SV2C: variants seen among roughly 807,000 people sequenced by gnomAD.
SV2C encodes synaptic vesicle glycoprotein 2C.
A neutral mutation model predicts 79.7 loss-of-function variants in SV2C; 49 were observed. The ratio of observed to expected loss-of-function variants is 0.61; its 90% CI spans 0.49 to 0.78. The LOEUF is 0.78. Among genes scored for constraint, SV2C ranks in the 30% least tolerant of loss-of-function variants. The pLI is 0.00. For missense variants in SV2C, 833 were observed against 912.9 expected (o/e 0.91, Z 1.13); for synonymous variants, 334 against 333.2 (o/e 1.00, Z -0.03).
chr5:75,882,852 A>G, the SV2C span, among the ~76,000 whole-genome samples: 1 of 152,216 alleles, frequency 6.6e-6, no homozygotes, highest in South Asian at 2.1e-4. Flanking sequence ...GATCTAATTA[A>G]ACTAAAGAGC....
intron 1 of SV2C, among the ~76,000 whole-genome samples, chr5:76,113,359 A>G (rs940546524): frequency 6.6e-6 from 1 of 152,262 alleles, no homozygotes; most frequent in South Asian, 2.1e-4. Flanking sequence ...TCTTGTATGC[A>G]TAGCATCTAA....
the SV2C span, among the ~76,000 whole-genome samples, chr5:75,897,389 G>A: frequency 0.014 from 2,090 of 150,646 alleles, 42 homozygotes; most frequent in African/African-American, 0.047. Context: ...GATATGCGGC[G>A]TTATTTCTGA....
At chr5:76,076,611 T>C in the SV2C span, among the ~76,000 whole-genome samples, 19 of 152,230 alleles carry the variant, frequency 1.2e-4, no homozygotes, top group Non-Finnish European at 2.2e-4. Context: ...TTGCATTTCT[T>C]TCTATCAGGG....
In SV2C at chr5:76,120,883, A is replaced by C. The variant is rs1208497082; in HGVS notation, c.-101-10767A>C. Reference sequence around the variant, plus strand: ...TTTATAGTCCTTTGGGTATATACCCAGTAATGGGATGGCTGGGTCAAATGG... The same window carrying C: ...TTTATAGTCCTTTGGGTATATACCCCGTAATGGGATGGCTGGGTCAAATGG... On this transcript the variant is annotated intron_variant, in intron 1 of 12. Transcript: ENST00000502798. Among the ~76,000 whole-genome samples, 4 of 151,282 alleles carry C rather than the reference A, an allele frequency of 2.6e-5. No individual in the cohort carries two copies. In the South Asian group the frequency reaches 6.2e-4, roughly 24 times the overall value.
In SV2C at chr5:76,301,560, G is replaced by A; in HGVS notation, c.2000+15G>A. On this transcript the variant is annotated intron_variant, in intron 12 of 12. Coordinates refer to ENST00000502798, the MANE Select transcript of SV2C (RefSeq NM_014979.4). ...ACAGACCGGAGGTATGTTGAAATGG[G>A]CCTCTAGTAAGAGGCACTCTAAGCC... 2 of 1,609,074 alleles carry A rather than the reference G, an allele frequency of 1.2e-6. No individual in the cohort carries two copies. Among genetic ancestry groups the A allele is most frequent in the Non-Finnish European group, 1.7e-6 (2 of 1,176,978 alleles).
chr5:76,128,545 C>A (rs1748783557), intron 1 of SV2C, among the ~76,000 whole-genome samples: 1 of 152,156 alleles, frequency 6.6e-6, no homozygotes, highest in Admixed American at 6.5e-5. Context: ...GAGCTTGAGT[C>A]CGGCATCTCC....
At chr5:76,171,594 G>C (rs1347779749) in intron 2 of SV2C, among the ~76,000 whole-genome samples, 2 of 144,524 alleles carry the variant, frequency 1.4e-5, no homozygotes, top group South Asian at 2.2e-4. Context: ...CAGCCACCCC[G>C]TCCAGGAGAG....
chr5:76,054,188 C>A, the SV2C span, among the ~76,000 whole-genome samples: 2 of 152,234 alleles, frequency 1.3e-5, no homozygotes, highest in African/African-American at 2.4e-5. Context: ...GTTCCCCTGC[C>A]TGTATCCATG....
At chr5:75,978,140 G>A in the SV2C span, among the ~76,000 whole-genome samples, 4 of 152,126 alleles carry the variant, frequency 2.6e-5, no homozygotes, top group African/African-American at 9.7e-5. Context: ...CCATATTGCT[G>A]CATAGCAGAG....
At chr5:75,940,012 A>G in the SV2C span, among the ~76,000 whole-genome samples, 1 of 152,148 alleles carries the variant, frequency 6.6e-6, no homozygotes, top group African/African-American at 2.4e-5. Flanking sequence ...TGCGACTATC[A>G]TTCCATGTTG....
chr5:75,998,207 G>A, the SV2C span, among the ~76,000 whole-genome samples: 1 of 152,250 alleles, frequency 6.6e-6, no homozygotes, highest in East Asian at 1.9e-4. Flanking sequence ...GGGAGGAAGG[G>A]GGAGGGATAG....
the SV2C span, among the ~76,000 whole-genome samples, chr5:76,056,782 A>G: frequency 7.3e-5 from 11 of 151,572 alleles, no homozygotes; most frequent in East Asian, 1.9e-3. Flanking sequence ...TAGATTATCT[A>G]GTTTATTTGA....
chr5:76,110,121 A>C (rs1278024579), intron 1 of SV2C, among the ~76,000 whole-genome samples: 2 of 152,220 alleles, frequency 1.3e-5, no homozygotes, highest in African/African-American at 4.8e-5. Context: ...TCTAACATGC[A>C]TACCCCAAAG....
chr5:76,060,342 A>G, the SV2C span, among the ~76,000 whole-genome samples: 22 of 152,268 alleles, frequency 1.4e-4, no homozygotes, highest in East Asian at 3.5e-3. Context: ...CACTGAAAAT[A>G]CGTTGTTTAG....
the SV2C span, among the ~76,000 whole-genome samples, chr5:76,015,458 C>A: frequency 6.6e-6 from 1 of 152,110 alleles, no homozygotes; most frequent in Non-Finnish European, 1.5e-5. Flanking sequence ...TCTTCCCTAC[C>A]CACAATGCCA....
At chr5:76,032,097 G>C in the SV2C span, among the ~76,000 whole-genome samples, 1 of 152,156 alleles carries the variant, frequency 6.6e-6, no homozygotes. Flanking sequence ...ATGAGATGGA[G>C]TATAAGCACA....
intron 12 of SV2C, among the ~76,000 whole-genome samples, chr5:76,346,381 G>C (rs1749538266): frequency 6.6e-6 from 1 of 152,186 alleles, no homozygotes; most frequent in South Asian, 2.1e-4. Flanking sequence ...TTTAGCATCA[G>C]CTTCTGTGAG....
intron 4 of SV2C, among the ~76,000 whole-genome samples, chr5:76,253,844 C>T (rs1390774204): frequency 6.6e-6 from 1 of 151,738 alleles, no homozygotes; most frequent in Non-Finnish European, 1.5e-5. Flanking sequence ...AACTTAGAAA[C>T]GATTATCTCC....
chr5:76,096,447 C>T (rs1747563330), intron 1 of SV2C, among the ~76,000 whole-genome samples: 1 of 152,098 alleles, frequency 6.6e-6, no homozygotes, highest in African/African-American at 2.4e-5. Context: ...TATTTTCATC[C>T]ACAAATCTGT....
Sources: gnomAD v4.1 joint callset for allele counts (sites outside exome capture counted in the v4.1 genomes callset) on GRCh38, gnomAD v4.1.1 for gene constraint, MANE v1.5 for transcripts, NCBI Gene and HGNC (gene_info 2026-07-23, HGNC 2026-07-21) for gene names.